Variants in DCAF8 observed in about 807,000 individuals in gnomAD.
The protein encoded by DCAF8 is DDB1- and CUL4-associated factor 8.
A neutral mutation model predicts 68.0 loss-of-function variants in DCAF8; 20 were observed. The ratio of observed to expected loss-of-function variants is 0.29; its 90% confidence interval spans 0.21 to 0.43. The LOEUF (loss-of-function observed/expected upper bound fraction) is 0.43, where lower values mean the gene tolerates loss of function less well. Among genes scored for constraint, DCAF8 ranks in the 20% least tolerant of loss-of-function variants. DCAF8 has a pLI of 1.00. For missense variants in DCAF8, 460 were observed against 771.0 expected, an observed-to-expected ratio of 0.60 and a Z score of 4.78; for synonymous variants, 230 against 276.9, an observed-to-expected ratio of 0.83 and a Z score of 1.68.
At chr1:160,218,996 C>T (rs1400886615) in intron 11 of DCAF8, 28 bp from the exon 12 acceptor site, 1 of 1,613,280 alleles carries the variant, frequency 6.2e-7, no homozygotes, top group African/African-American at 1.3e-5. Context: ...AAAACACAGA[C>T]TCAGCAGTGT....
At chr1:160,239,329 T>A in intron 4 of DCAF8, 1 of 1,236,874 alleles carries the variant, frequency 8.1e-7, no homozygotes, top group Non-Finnish European at 1.1e-6. Context: ...ATTTTACAGA[T>A]AAACTGAAGA....
Position 160,237,853 on chromosome 1 carries a change from G to A in DCAF8, c.865-624C>T, listed in dbSNP as rs1198723020. 3.3e-5 allele frequency among the ~76,000 whole-genome samples: 5 copies of A among 152,208 alleles called. No homozygotes were observed. The South Asian group carries it at 1.0e-3, about 32-fold the overall frequency. ...CCACACCCAGCAACAGTTCATTCTCGAATAAAATCAATTCCATACCCTTAA... is the reference window on the plus strand; with the variant it reads ...CCACACCCAGCAACAGTTCATTCTCAAATAAAATCAATTCCATACCCTTAA... On this transcript the variant is annotated intron_variant, in intron 5 of 13. Transcript: ENST00000368074.
chr1:160,226,379 A>T (rs1322962585), intron 7 of DCAF8, among the ~76,000 whole-genome samples: 1 of 152,020 alleles, frequency 6.6e-6, no homozygotes, highest in Non-Finnish European at 1.5e-5. Flanking sequence ...TCCTTTCCTC[A>T]TTCTTATCAA....
In DCAF8 at chr1:160,238,756, T is replaced by A; in HGVS notation, c.724-9A>T. 1.9e-6 allele frequency: 3 copies of A among 1,580,760 alleles called. No homozygotes were observed. Among genetic ancestry groups the A allele is most frequent in the Admixed American group, 3.9e-5 (2 of 51,450 alleles). On this transcript the variant is annotated splice_polypyrimidine_tract_variant and intron_variant, in intron 4 of 13. Transcript: ENST00000368074. ...TTAGGAAGAAACTTGGCCTGGGGTG[T>A]TAAAAATGAAAAAAAGGACACACAA...
At position 160,231,377 on chromosome 1, in the gene DCAF8, C is replaced by A. The variant is rs1655678413; in HGVS notation, c.990G>T (p.Lys330Asn). Residue 330 changes from lysine to asparagine, a missense_variant, in exon 7 of 14, where the codon AAG becomes AAT. Transcript: ENST00000368074. ...CATAGATCGTATACAGCCCCACTTT[C>A]TTCTCTTTCTCTTTTGTCACCACCA... ...SKLVVTKEKE[K>N]KVGLYTIYVN... The A allele has an allele frequency of 3.1e-6, 5 of 1,614,110 alleles. No homozygotes were observed. Among genetic ancestry groups the A allele is most frequent in the Non-Finnish European group, 4.2e-6 (5 of 1,179,976 alleles).
chr1:160,235,017 A>T (rs1655821169), intron 6 of DCAF8, among the ~76,000 whole-genome samples: 1 of 152,232 alleles, frequency 6.6e-6, no homozygotes, highest in African/African-American at 2.4e-5. Context: ...GTCTAGTAAT[A>T]ATCAGCCTTC....
In DCAF8 at chr1:160,240,338, C is replaced by T; in HGVS notation, c.82G>A (p.Gly28Arg). 1 of 1,613,390 alleles carries T rather than the reference C, an allele frequency of 6.2e-7. No individual in the cohort carries two copies. Among genetic ancestry groups the T allele is most frequent in the Non-Finnish European group, 8.5e-7 (1 of 1,179,966 alleles). Residue 28 changes from glycine (G) to arginine (R), a missense_variant, in exon 4 of 14, where the codon GGA (glycine) becomes AGA (arginine). Coordinates refer to ENST00000368074, the MANE Select transcript of DCAF8 (RefSeq NM_015726.4). ...GATGTCTCCCTCCCCTCTTCAGCTC[C>T]AGACATCTCCTCTGGACTGCTAGAC... is the stretch of plus-strand genomic sequence containing the variant. ...SLSSSPEEMSGAEEGRETSSG... is the reference protein window; with the variant it reads ...SLSSSPEEMSRAEEGRETSSG...
At chr1:160,239,236 T>C (rs1571096698) in intron 4 of DCAF8, 1 of 1,114,052 alleles carries the variant, frequency 9.0e-7, no homozygotes, top group Non-Finnish European at 1.1e-6. Context: ...ATTTATCAAA[T>C]GTTTATTAAG....
At position 160,217,676 on chromosome 1, in the gene DCAF8, G is replaced by C; in HGVS notation, c.1710C>G (p.Asp570Glu). Residue 570 changes from aspartate to glutamate, a missense_variant, in exon 14 of 14, where the codon GAC becomes GAG. By Grantham distance (45) the Asp-to-Glu change is conservative. Around this residue, in one of 8 missense-constraint regions of DCAF8, gnomAD observed 80 missense variants for 115.1 expected, o/e 0.70. Coordinates refer to ENST00000368074, the MANE Select transcript of DCAF8 (RefSeq NM_015726.4). Reference sequence around the variant, plus strand: ...AGCTGGGAGACTCATCAGAGTCCGCGTCTGTGGCCCCAACCCCAGGTTCTC... The same window carrying C: ...AGCTGGGAGACTCATCAGAGTCCGCCTCTGTGGCCCCAACCCCAGGTTCTC... ...RWREPGVGAT[D>E]ADSDESPSSS... The C allele has an allele frequency of 6.2e-7, 1 of 1,614,104 alleles. No homozygotes were observed. The highest frequency in any genetic ancestry group is 1.1e-5 in the South Asian group (1 of 91,060).
chr1:160,224,953 T>G, intron 9 of DCAF8, 109 bp downstream of exon 9: 1 of 1,047,504 alleles, frequency 9.5e-7, no homozygotes, highest in South Asian at 1.3e-5. Flanking sequence ...CTGCTCTACT[T>G]GGAGCTATAG....
At chr1:160,260,058 C>T (rs913544981) in intron 2 of DCAF8, among the ~76,000 whole-genome samples, 1 of 150,958 alleles carries the variant, frequency 6.6e-6, no homozygotes, top group Non-Finnish European at 1.5e-5. Flanking sequence ...TAACGTATAA[C>T]TTATTCAAAG....
In DCAF8 at chr1:160,239,999, A is replaced by C. The variant is rs756165555; in HGVS notation, c.421T>G (p.Ser141Ala). 6.2e-7 allele frequency: 1 copy of C among 1,614,232 alleles called. No homozygotes were observed. Among genetic ancestry groups the C allele is most frequent in the South Asian group, 1.1e-5 (1 of 91,084 alleles). Residue 141 changes from serine (S) to alanine (A), a missense_variant, in exon 4 of 14, where the codon TCC (serine) becomes GCC (alanine). This residue lies in a region of DCAF8 where 156 missense variants were observed against 181.4 expected (regional missense o/e 0.86). Transcript: ENST00000368074. ...CGGGGTAGAGCTGATGTTTCTGAGG[A>C]CACCCAGTCCTCTAGGGCCCGCTCA... ...DDERALEDWV[S>A]SETSALPRPR...
chr1:160,260,184 C>T (rs2101779674), intron 2 of DCAF8, among the ~76,000 whole-genome samples: 1 of 151,874 alleles, frequency 6.6e-6, no homozygotes, highest in East Asian at 1.9e-4. Flanking sequence ...CTAACAATGA[C>T]CCTGGGAGGT....
Position 160,237,167 on chromosome 1 carries a change from G to T in DCAF8, c.927C>A (p.Phe309Leu). ...GGCGGTCTTGTCTCAGGTCAATGGT[G>T]AAAACAACTGCATCTTCACCTGCAG... is the stretch of plus-strand genomic sequence containing the variant. ...FLSAGEDAVV[F>L]TIDLRQDRPA... is the part of the protein sequence containing the mutation. The change falls in exon 6 of 14, where the codon TTC (phenylalanine) becomes TTA (leucine). Residue 309 changes from phenylalanine to leucine, a missense_variant. Physicochemically the swap from Phe to Leu is conservative, Grantham distance 22 (BLOSUM62 0). Transcript: ENST00000368074. The T allele has an allele frequency of 6.3e-7, 1 of 1,576,472 alleles. No individual in the cohort carries two copies. Among genetic ancestry groups the T allele is most frequent in the Non-Finnish European group, 8.6e-7 (1 of 1,158,702 alleles).
At chr1:160,249,403 G>A (rs573656567) in intron 2 of DCAF8, among the ~76,000 whole-genome samples, 1 of 152,254 alleles carries the variant, frequency 6.6e-6, no homozygotes, top group South Asian at 2.1e-4. Context: ...TACTAGAAAT[G>A]CAAAACAGTA....
chr1:160,257,376 T>A (rs1403207169), intron 2 of DCAF8, among the ~76,000 whole-genome samples: 1 of 152,220 alleles, frequency 6.6e-6, no homozygotes, highest in East Asian at 1.9e-4. Flanking sequence ...TCTTTTATAA[T>A]CTGGATATTT....
intron 1 of DCAF8, chr1:160,262,084 C>T (rs1657117677): frequency 5.6e-6 from 2 of 358,186 alleles, no homozygotes; most frequent in African/African-American, 2.1e-5. Context: ...GTGAACTGTG[C>T]GGCTGGCTCT....
chr1:160,222,833 T>C (rs1655341759), intron 10 of DCAF8, 52 bp from the exon 11 acceptor site: 3 of 1,606,858 alleles, frequency 1.9e-6, no homozygotes, highest in South Asian at 1.1e-5. Flanking sequence ...ATCAGGCCTA[T>C]ATACATTCAT....
intron 7 of DCAF8, among the ~76,000 whole-genome samples, chr1:160,227,733 AT>A (rs750591439): frequency 1.3e-5 from 2 of 152,226 alleles, no homozygotes; most frequent in Non-Finnish European, 2.9e-5. Context: ...CATAAACAAC[AT>A]GTAAAGTAAG....
Sources: gnomAD v4.1 joint callset for allele counts (sites outside exome capture counted in the v4.1 genomes callset) on GRCh38, gnomAD v4.1.1 for gene constraint, gnomAD v4.1.1 regional missense constraint, MANE v1.5 for transcripts, NCBI Gene and HGNC (gene_info 2026-07-23, HGNC 2026-07-21) for gene names.